Variants in RADIL observed in about 807,000 individuals in gnomAD.
RADIL encodes ras-associating and dilute domain-containing protein.
In RADIL, 99 loss-of-function variants were observed where a neutral mutation model predicts 97.6. The ratio of observed to expected loss-of-function variants is 1.01; its 90% CI spans 0.86 to 1.20. The LOEUF is 1.20. Among genes scored for constraint, RADIL ranks in the 50% most tolerant of loss-of-function variants. RADIL has a pLI of 0.00. For synonymous variants in RADIL, 803 were observed against 691.8 expected (o/e 1.16, Z -2.52); for missense variants, 1,765 against 1,498.9 (o/e 1.18, Z -2.93).
In RADIL at chr7:4,799,037, G is replaced by A. The variant is rs1208212014; in HGVS notation, c.*341C>T. On this transcript the variant is annotated 3_prime_UTR_variant, in exon 15 of 15. Coordinates refer to ENST00000399583, the MANE Select transcript of RADIL (RefSeq NM_018059.5). The stretch of plus-strand genomic sequence containing the variant: ...GCCGGTGGCAGGCAGAGGCCATGGG[G>A]AGCCCCTGCGGCCCCTCCGAGCAGC... The A allele has an allele frequency of 2.1e-5, 6 of 289,044 alleles. No individual in the cohort carries two copies. Among genetic ancestry groups the A allele is most frequent in the Non-Finnish European group, 4.0e-5 (6 of 148,558 alleles). 17.9% of individuals were successfully genotyped at this position (289,044 alleles called of 1,614,324 possible). A position where few individuals can be genotyped will look rare whatever the true frequency, so the allele number is the denominator to read the frequency against.
intron 5 of RADIL, among the ~76,000 whole-genome samples, chr7:4,829,643 G>C (rs1219474192): frequency 6.6e-6 from 1 of 152,240 alleles, no homozygotes; most frequent in South Asian, 2.1e-4. Context: ...TGTTGTGGGA[G>C]GGACGCGGTG....
rs999038894 is a variant in RADIL, at chr7:4,798,216, C to CCG, written c.*1160_*1161dup. The stretch of plus-strand genomic sequence containing the variant: ...GTTTCGAGCCAGGCGCAATGCGGAG[C>CCG]CGCACACAGAACTGCGGGTCGGCAG... On this transcript the variant is annotated 3_prime_UTR_variant, in exon 15 of 15. Transcript: ENST00000399583. 6.6e-6 allele frequency: 1 copy of CCG among 151,868 alleles called. No homozygotes were observed. Among genetic ancestry groups the CCG allele is most frequent in the African/African-American group, 2.4e-5 (1 of 41,376 alleles). The allele number at this position is 151,868 out of a possible 1,614,324, so 9.4% of individuals were successfully genotyped here.
Position 4,877,869 on chromosome 7 carries a change from C to T in RADIL, c.271G>A (p.Glu91Lys), listed in dbSNP as rs574256439. Residue 91 changes from glutamate to lysine, a missense_variant, in exon 2 of 15, where the codon GAG becomes AAG. Coordinates refer to ENST00000399583, the MANE Select transcript of RADIL (RefSeq NM_018059.5). ...CGCTCCAGCGCCTCCTTCACCAGCT[C>T]ACGGGCGCTGGAGGTGCCGGTGGCC... is the stretch of plus-strand genomic sequence containing the variant. Reference protein sequence around the residue: ...VLATGTSSARELVKEALERYA... With the variant: ...VLATGTSSARKLVKEALERYA... 1.6e-5 allele frequency: 25 copies of T among 1,605,778 alleles called. No homozygotes were observed. The South Asian group carries it at 2.2e-4, about 14-fold the overall frequency.
chr7:4,871,160 T>C (rs1784245071), intron 2 of RADIL, among the ~76,000 whole-genome samples: 1 of 152,238 alleles, frequency 6.6e-6, no homozygotes, highest in South Asian at 2.1e-4. Flanking sequence ...CCACGGTGAC[T>C]CTGTCATTGG....
intron 5 of RADIL, among the ~76,000 whole-genome samples, chr7:4,827,327 T>C (rs1436322698): frequency 7.0e-6 from 1 of 143,782 alleles, no homozygotes; most frequent in African/African-American, 2.6e-5. Context: ...ATTGCACCAG[T>C]GCACTCCAGC....
rs898456046 is a variant in RADIL at position 4,842,229 on chromosome 7, G to T, written c.536-5624C>A. 1.4e-4 allele frequency among the ~76,000 whole-genome samples: 22 copies of T among 152,086 alleles called. No individual in the cohort carries two copies. The highest frequency in any genetic ancestry group is 7.2e-4 in the Admixed American group (11 of 15,268). On this transcript the variant is annotated intron_variant, in intron 2 of 14. Transcript: ENST00000399583. The surrounding 1 kb of genome is among the most constrained non-coding windows in gnomAD (Gnocchi z 4.5). ...GCAATGGGGAAGATGGGGATGGGAC[G>T]GTCGTTGTTGACATCTTCTTCTACT...
At chr7:4,843,911 CAA>C (rs36122253) in intron 2 of RADIL, among the ~76,000 whole-genome samples, 5,496 of 97,408 alleles carry the variant, frequency 0.056, 123 homozygotes, top group African/African-American at 0.11. Flanking sequence ...GACTCCATTT[CAA>C]AAAAAAAAAA....
At chr7:4,853,285 T>C (rs1353065821) in intron 2 of RADIL, among the ~76,000 whole-genome samples, 1 of 152,178 alleles carries the variant, frequency 6.6e-6, no homozygotes, top group Non-Finnish European at 1.5e-5. Flanking sequence ...AAAGAGATAT[T>C]TGCAGATATG....
At position 4,876,754 on chromosome 7, in the gene RADIL, G is replaced by A. The variant is rs541832447; in HGVS notation, c.535+851C>T. On this transcript the variant is annotated intron_variant, in intron 2 of 14. Coordinates refer to ENST00000399583, the MANE Select transcript of RADIL (RefSeq NM_018059.5). Reference sequence around the variant, plus strand: ...CCGTGCTCTCGGCACTCCTCAGACCGACAATGATCGGCTGCCCGTGGCCAG... The same window carrying A: ...CCGTGCTCTCGGCACTCCTCAGACCAACAATGATCGGCTGCCCGTGGCCAG... Among the ~76,000 whole-genome samples the A allele has an allele frequency of 4.1e-4, 62 of 152,322 alleles. No individual in the cohort carries two copies. The South Asian group carries it at 0.011, about 28-fold the overall frequency.
At chr7:4,853,084 C>T (rs1297116752) in intron 2 of RADIL, among the ~76,000 whole-genome samples, 3 of 151,924 alleles carry the variant, frequency 2.0e-5, no homozygotes, top group South Asian at 4.2e-4. Flanking sequence ...GACTGGGGGA[C>T]CTTGAGATGG....
intron 5 of RADIL, among the ~76,000 whole-genome samples, chr7:4,825,525 A>T (rs183852817): frequency 1.3e-5 from 2 of 152,284 alleles, no homozygotes; most frequent in East Asian, 3.9e-4. Context: ...CAGACAGCTC[A>T]GCCAGCGCCA....
chr7:4,832,775 G>A (rs1222212971), intron 4 of RADIL, among the ~76,000 whole-genome samples: 7 of 149,144 alleles, frequency 4.7e-5, no homozygotes, highest in Admixed American at 2.0e-4. Flanking sequence ...AATTATTCTT[G>A]CCTTAGTAGT....
At chr7:4,805,829 C>A in intron 9 of RADIL, 113 bp from the exon 10 acceptor site, 3 of 1,450,326 alleles carry the variant, frequency 2.1e-6, no homozygotes, top group South Asian at 2.9e-5. Flanking sequence ...GCCCTGTGGT[C>A]CTCACTCCCA....
intron 9 of RADIL, among the ~76,000 whole-genome samples, chr7:4,811,460 G>A (rs1168883667): frequency 2.1e-5 from 3 of 142,544 alleles, no homozygotes; most frequent in African/African-American, 7.8e-5. Flanking sequence ...GTAAGAATTT[G>A]GTACTGATGG....
At chr7:4,859,921 C>T (rs1783933251) in intron 2 of RADIL, 7 of 1,612,012 alleles carry the variant, frequency 4.3e-6, no homozygotes, top group Non-Finnish European at 2.5e-6. Flanking sequence ...ATGTTTGTTG[C>T]TGAGTTTCCT....
chr7:4,846,989 A>G (rs1783589867), intron 2 of RADIL, among the ~76,000 whole-genome samples: 2 of 151,932 alleles, frequency 1.3e-5, no homozygotes, highest in African/African-American at 4.8e-5. Context: ...AAACCAAAAT[A>G]AGATACCACT....
chr7:4,828,772 G>GA (rs1201510117), intron 5 of RADIL, among the ~76,000 whole-genome samples: 1 of 152,210 alleles, frequency 6.6e-6, no homozygotes, highest in East Asian at 1.9e-4. Context: ...ATGCAAGAGG[G>GA]ATGGAAACGG....
chr7:4,850,911 C>G (rs925498461), intron 2 of RADIL, among the ~76,000 whole-genome samples: 3 of 152,090 alleles, frequency 2.0e-5, no homozygotes, highest in Admixed American at 6.6e-5. Flanking sequence ...CAATAGAAAA[C>G]AAGTTCAGGG....
At position 4,815,146 on chromosome 7, in the gene RADIL, T is replaced by C. The variant is rs1782644400; in HGVS notation, c.2139+132A>G. 1 of 1,152,846 alleles carries C rather than the reference T, an allele frequency of 8.7e-7. No individual in the cohort carries two copies. The highest frequency in any genetic ancestry group is 1.2e-6 in the Non-Finnish European group (1 of 844,926). The allele number at this position is 1,152,846 out of a possible 1,614,324, so 71.4% of individuals were successfully genotyped here. On this transcript the variant is annotated intron_variant, in intron 9 of 14. Transcript: ENST00000399583. This position sits in a 1 kb window ranked among gnomAD's most constrained non-coding sequence, Gnocchi z 8.0. Reference sequence around the variant, plus strand: ...ATGGAATGGAAGCAACTTTTCTGATTACCTACGGTAGCTTTGAGGTTTCCA... The same window carrying C: ...ATGGAATGGAAGCAACTTTTCTGATCACCTACGGTAGCTTTGAGGTTTCCA...
Sources: allele counts gnomAD v4.1 joint callset (sites outside exome capture counted in the v4.1 genomes callset), GRCh38; gene constraint gnomAD v4.1.1; non-coding constraint Gnocchi (gnomAD v3.1); transcripts MANE v1.5; gene names NCBI Gene and HGNC (gene_info 2026-07-23, HGNC 2026-07-21).